CCDC91: variants seen among roughly 807,000 people sequenced by gnomAD.
CCDC91 encodes coiled-coil domain-containing protein 91.
CCDC91 carries 48 observed loss-of-function variants against 63.2 expected under a neutral mutation model. That is an observed-to-expected ratio of 0.76 (90% CI 0.60 to 0.97). CCDC91 has a LOEUF of 0.97. Among genes scored for constraint, CCDC91 ranks in the 50% least tolerant of loss-of-function variants. CCDC91 has a pLI of 0.00. For synonymous variants in CCDC91, 167 were observed against 165.8 expected (o/e 1.01, Z -0.06); for missense variants, 500 against 494.6 (o/e 1.01, Z -0.10).
intron 12 of CCDC91, among the ~76,000 whole-genome samples, chr12:28,498,553 G>C (rs1952440035): frequency 6.6e-6 from 1 of 151,434 alleles, no homozygotes; most frequent in African/African-American, 2.4e-5. Flanking sequence ...AACATCAATA[G>C]GTGAAAAAGC....
intron 12 of CCDC91, among the ~76,000 whole-genome samples, chr12:28,542,583 A>G (rs1243596037): frequency 6.6e-6 from 1 of 152,110 alleles, no homozygotes; most frequent in African/African-American, 2.4e-5. Context: ...TGACGTTCAA[A>G]GTTAAGGCAC....
chr12:28,429,978 T>A (rs1329999271), intron 8 of CCDC91, among the ~76,000 whole-genome samples: 1 of 152,110 alleles, frequency 6.6e-6, no homozygotes, highest in South Asian at 2.1e-4. Context: ...TCATTCTGTA[T>A]GGTACATTTC....
intron 1 of CCDC91, among the ~76,000 whole-genome samples, chr12:28,227,673 A>G (rs1237891927): frequency 6.6e-6 from 1 of 150,956 alleles, no homozygotes; most frequent in Non-Finnish European, 1.5e-5. Context: ...CCTTATTCAC[A>G]CTCCCTTATT....
At chr12:28,369,126 G>T (rs1944452537) in intron 7 of CCDC91, among the ~76,000 whole-genome samples, 1 of 152,032 alleles carries the variant, frequency 6.6e-6, no homozygotes, top group Non-Finnish European at 1.5e-5. Flanking sequence ...TTACCTCATT[G>T]CAGTATTAAC....
chr12:28,453,792 T>C (rs1442211611), intron 11 of CCDC91, among the ~76,000 whole-genome samples: 1 of 152,172 alleles, frequency 6.6e-6, no homozygotes, highest in Non-Finnish European at 1.5e-5. Context: ...TCAAGTTCAC[T>C]GGCTAAGTTC....
At chr12:28,440,105 A>G (rs1949108555) in intron 8 of CCDC91, among the ~76,000 whole-genome samples, 1 of 152,156 alleles carries the variant, frequency 6.6e-6, no homozygotes, top group African/African-American at 2.4e-5. Context: ...TAATTTTCCT[A>G]ATGCCTTTTT....
chr12:28,479,078 A>C (rs1476411824), intron 11 of CCDC91, among the ~76,000 whole-genome samples: 1 of 152,208 alleles, frequency 6.6e-6, no homozygotes, highest in Admixed American at 6.6e-5. Flanking sequence ...ATCTAGAACT[A>C]GAAATAGCAT....
Position 28,450,359 on chromosome 12 carries a change from G to A in CCDC91, c.865G>A (p.Glu289Lys). 1 of 1,611,854 alleles carries A rather than the reference G, an allele frequency of 6.2e-7. No homozygotes were observed. Among genetic ancestry groups the A allele is most frequent in the Non-Finnish European group, 8.5e-7 (1 of 1,178,304 alleles). ...QQSQEQKEIL[E>K]KCLEEERQRN... is the part of the protein sequence containing the mutation. ...TTTTATCATTTGACAGGAAATATTG[G>A]AAAAGTGTTTGGAGGAAGAAAGGCA... Residue 289 changes from glutamate (E) to lysine (K), a missense_variant, in exon 10 of 13, where the codon GAA becomes AAA. By Grantham distance (56) the Glu-to-Lys change is moderately conservative. Transcript: ENST00000536442.
chr12:28,317,235 A>G (rs1334907366), intron 6 of CCDC91, among the ~76,000 whole-genome samples: 1 of 151,928 alleles, frequency 6.6e-6, no homozygotes, highest in African/African-American at 2.4e-5. Flanking sequence ...TTGTGCTTCT[A>G]TTTTTTAAAA....
intron 12 of CCDC91, among the ~76,000 whole-genome samples, chr12:28,513,295 T>C (rs1358065491): frequency 1.3e-5 from 2 of 151,924 alleles, no homozygotes; most frequent in East Asian, 3.9e-4. Flanking sequence ...GTAAACTGCT[T>C]AGCTCAATGC....
At chr12:28,513,899 T>C (rs189791282) in intron 12 of CCDC91, among the ~76,000 whole-genome samples, 1 of 152,064 alleles carries the variant, frequency 6.6e-6, no homozygotes, top group East Asian at 1.9e-4. Flanking sequence ...TCTTTGCTAT[T>C]GTGAATAGCA....
chr12:28,254,647 A>G (rs1378063786), intron 1 of CCDC91, among the ~76,000 whole-genome samples: 1 of 152,092 alleles, frequency 6.6e-6, no homozygotes, highest in Non-Finnish European at 1.5e-5. Flanking sequence ...AGTCTAAATT[A>G]TATGCAGAAA....
At chr12:28,483,755 A>G (rs768467852) in intron 11 of CCDC91, among the ~76,000 whole-genome samples, 2 of 152,160 alleles carry the variant, frequency 1.3e-5, no homozygotes, top group Non-Finnish European at 2.9e-5. Flanking sequence ...CAGGAAGGCA[A>G]TGAATCATGT....
intron 3 of CCDC91, among the ~76,000 whole-genome samples, chr12:28,286,540 C>A (rs1055526143): frequency 6.6e-6 from 1 of 152,308 alleles, no homozygotes; most frequent in Non-Finnish European, 1.5e-5. Context: ...AGGACATGAT[C>A]TCATTCCTTT....
At chr12:28,285,612 C>T (rs1032867435) in intron 3 of CCDC91, among the ~76,000 whole-genome samples, 1 of 151,578 alleles carries the variant, frequency 6.6e-6, no homozygotes, top group African/African-American at 2.4e-5. Flanking sequence ...AAAATGTTGG[C>T]TTAAGTGCCC....
chr12:28,361,644 A>G (rs913367075), intron 6 of CCDC91, among the ~76,000 whole-genome samples: 3 of 151,344 alleles, frequency 2.0e-5, no homozygotes, highest in East Asian at 1.9e-4. Context: ...TATGTCATCT[A>G]TTGAGTTATT....
intron 12 of CCDC91, among the ~76,000 whole-genome samples, chr12:28,502,256 A>G (rs1011941679): frequency 4.0e-5 from 6 of 151,810 alleles, no homozygotes; most frequent in African/African-American, 7.3e-5. Flanking sequence ...AAATCAATGT[A>G]CAAAAATCAC....
At chr12:28,255,384 T>G (rs894169723) in intron 1 of CCDC91, among the ~76,000 whole-genome samples, 1 of 152,162 alleles carries the variant, frequency 6.6e-6, no homozygotes, top group Non-Finnish European at 1.5e-5. Flanking sequence ...ATGGGATACA[T>G]GTGGAAGAGA....
At chr12:28,242,494 A>G (rs1238590411) in intron 1 of CCDC91, among the ~76,000 whole-genome samples, 4 of 152,182 alleles carry the variant, frequency 2.6e-5, no homozygotes, top group Non-Finnish European at 5.9e-5. Context: ...CGGATCCCAC[A>G]GAAAAGAGGG....
Sources: gnomAD v4.1 joint callset for allele counts (sites outside exome capture counted in the v4.1 genomes callset) on GRCh38, gnomAD v4.1.1 for gene constraint, MANE v1.5 for transcripts, NCBI Gene and HGNC (gene_info 2026-07-23, HGNC 2026-07-21) for gene names.